ETNPPL: variants seen among roughly 807,000 people sequenced by gnomAD.
ETNPPL encodes the protein alanine--glyoxylate aminotransferase 2-like 1.
In ETNPPL, 30 loss-of-function variants were observed where a neutral mutation model predicts 55.5. The observed-to-expected ratio is 0.54, with a 90% confidence interval of 0.40 to 0.73. The LOEUF is 0.73. ETNPPL is among the 30% of genes least tolerant of loss of function. The pLI is 0.00. For missense variants in ETNPPL, 528 were observed against 607.9 expected (o/e 0.87, Z 1.38); for synonymous variants, 202 against 207.2 (o/e 0.98, Z 0.21).
chr4:108,743,511 A>C (rs7663958), intron 12 of ETNPPL, among the ~76,000 whole-genome samples: 18,456 of 151,988 alleles, frequency 0.12, 1,470 homozygotes, highest in East Asian at 0.46. Flanking sequence ...AATTCTCTCT[A>C]TATATATTTT....
At chr4:108,750,494 CCG>C (rs946093603) in intron 7 of ETNPPL, among the ~76,000 whole-genome samples, 4 of 67,384 alleles carry the variant, frequency 5.9e-5, no homozygotes, top group African/African-American at 9.9e-5. Context: ...CTTAATACCG[CCG>C]TGTGTGTGTG....
In ETNPPL at chr4:108,742,573, T is replaced by A; in HGVS notation, c.1411A>T (p.Thr471Ser). 6.2e-7 allele frequency: 1 copy of A among 1,614,168 alleles called. No individual in the cohort carries two copies. The highest frequency in any genetic ancestry group is 8.5e-7 in the Non-Finnish European group (1 of 1,180,010). Residue 471 changes from threonine to serine, a missense_variant, in exon 13 of 13, where the codon ACC (threonine) becomes TCC (serine). Physicochemically the swap from Thr to Ser is moderately conservative, Grantham distance 58. Transcript: ENST00000296486. ...EAHIELLRDS[T>S]TDSKENPSRK... is the part of the protein sequence containing the mutation. ...CTGGGATTTTCTTTGGAGTCAGTGG[T>A]GCTGTCCCTAAGCAGTTCTATGTGG...
chr4:108,746,691 C>A, intron 10 of ETNPPL, 71 bp downstream of exon 10: 1 of 1,527,530 alleles, frequency 6.5e-7, no homozygotes, highest in Non-Finnish European at 9.1e-7. Flanking sequence ...GGGAGGAAGT[C>A]AAGCAAGCTT....
intron 1 of ETNPPL, among the ~76,000 whole-genome samples, chr4:108,761,610 T>C (rs971764552): frequency 1.3e-5 from 2 of 152,230 alleles, no homozygotes; most frequent in African/African-American, 4.8e-5. Context: ...AGTCAGCCCA[T>C]GGCTACACTC....
rs910599097 is a variant in ETNPPL, at chr4:108,742,194, G to A, written c.*290C>T. On this transcript the variant is annotated 3_prime_UTR_variant, in exon 13 of 13. Transcript: ENST00000296486. ...TCTAATTTGACACATTAAAACATGA[G>A]AGGTAAATCTGCCAATTTATTTTGA... 4.2e-6 allele frequency: 1 copy of A among 239,186 alleles called. No homozygotes were observed. The highest frequency in any genetic ancestry group is 8.4e-6 in the Non-Finnish European group (1 of 119,692). 14.8% of individuals were successfully genotyped at this position (239,186 alleles called of 1,614,324 possible). A position where few individuals can be genotyped will look rare whatever the true frequency, so the allele number is the denominator to read the frequency against.
At chr4:108,754,827 A>T in intron 4 of ETNPPL, 117 bp from the exon 5 acceptor site, 1 of 681,602 alleles carries the variant, frequency 1.5e-6, no homozygotes, top group Admixed American at 2.8e-5. Flanking sequence ...GAGAATCTCA[A>T]CACTGGTGCC....
chr4:108,751,928 G>C (rs781107767), intron 6 of ETNPPL, among the ~76,000 whole-genome samples: 6 of 152,226 alleles, frequency 3.9e-5, no homozygotes, highest in Non-Finnish European at 5.9e-5. Context: ...TCTTTTAGCA[G>C]CAAAGAGTCC....
rs998889913 is a variant in ETNPPL at position 108,762,434 on chromosome 4, A to G, written c.56+409T>C. On this transcript the variant is annotated intron_variant, in intron 1 of 12. Coordinates refer to ENST00000296486, the MANE Select transcript of ETNPPL (RefSeq NM_031279.4). ...GGTTTGTTTGCGGAGCCATCATGAA[A>G]AAATATTTCTCAGTTCACAGTTTCC... The G allele has an allele frequency of 1.1e-4, 60 of 565,700 alleles. 1 individual carries two copies. The East Asian group carries it at 2.5e-3, about 24-fold the overall frequency. 35.0% of individuals were successfully genotyped at this position (565,700 alleles called of 1,614,324 possible). A position where few individuals can be genotyped will look rare whatever the true frequency, so the allele number is the denominator to read the frequency against.
chr4:108,746,247 A>C (rs539126800), intron 11 of ETNPPL, 152 bp downstream of exon 11: 8 of 592,914 alleles, frequency 1.3e-5, no homozygotes, highest in Non-Finnish European at 2.1e-5. Context: ...ATCTTTTTCT[A>C]GTCCTAAATG....
At position 108,760,303 on chromosome 4, in the gene ETNPPL, G is replaced by A; in HGVS notation, c.60C>T (p.Pro20=). 6.3e-7 allele frequency: 1 copy of A among 1,577,608 alleles called. No homozygotes were observed. Among genetic ancestry groups the A allele is most frequent in the East Asian group, 2.2e-5 (1 of 44,642 alleles). ...CCGATGCAAAGAAAACTTTGCATGA[G>A]GGCCTAGAAATAATCAAAGGAAACA... is the stretch of plus-strand genomic sequence containing the variant. ...TLGLRKKHIG[P]SCKVFFASDP... is the part of the protein sequence containing the mutation. The change falls in exon 2 of 13, where the codon CCC becomes CCT. Residue 20 remains proline, a synonymous_variant. Coordinates refer to ENST00000296486, the MANE Select transcript of ETNPPL (RefSeq NM_031279.4).
At chr4:108,743,907 A>G (rs2125669188) in intron 11 of ETNPPL, 51 bp from the exon 12 acceptor site, 1 of 1,290,854 alleles carries the variant, frequency 7.7e-7, no homozygotes, top group East Asian at 2.3e-5. Flanking sequence ...AAAAACCTTA[A>G]GAAAAAAACT....
rs1728614845 is a variant in ETNPPL, at chr4:108,747,183, ATATATATATATTATATATATATATAAT to A, written c.1083-359_1083-333del. On this transcript the variant is annotated intron_variant, in intron 9 of 12. Coordinates refer to ENST00000296486, the MANE Select transcript of ETNPPL (RefSeq NM_031279.4). Reference sequence around the variant, plus strand: ...TATATATTATATATATATATATAATATATATATATATTATATATATATATAATATATATATATATATTATATATATAT... The same window carrying A: ...TATATATTATATATATATATATAATAATATATATATATATTATATATATAT... 3.1e-4 allele frequency among the ~76,000 whole-genome samples: 3 copies of A among 9,810 alleles called. No homozygotes were observed. The South Asian group carries it at 0.015, about 50-fold the overall frequency. The allele number at this position is 9,810 out of a possible 152,430, so 6.4% of individuals were successfully genotyped here. A position where few individuals can be genotyped will look rare whatever the true frequency, so the allele number is the denominator to read the frequency against.
chr4:108,756,621 G>C, intron 3 of ETNPPL, 129 bp from the exon 4 acceptor site: 2 of 669,012 alleles, frequency 3.0e-6, no homozygotes, highest in Non-Finnish European at 5.3e-6. Context: ...CCGATTGCCT[G>C]AGCTCAGAAG....
intron 7 of ETNPPL, among the ~76,000 whole-genome samples, chr4:108,749,928 T>C (rs1728816076): frequency 6.6e-6 from 1 of 152,158 alleles, no homozygotes; most frequent in Non-Finnish European, 1.5e-5. Flanking sequence ...GCCCAGCTGG[T>C]ATTGAATTCC....
At chr4:108,762,276 G>A (rs1037562185) in intron 1 of ETNPPL, 4 of 445,006 alleles carry the variant, frequency 9.0e-6, no homozygotes, top group Non-Finnish European at 1.8e-5. Context: ...TTGGGTAAGA[G>A]GGATCTAAAT....
intron 7 of ETNPPL, among the ~76,000 whole-genome samples, chr4:108,750,496 G>A (rs1176678883): frequency 1.5e-4 from 1 of 6,780 alleles, no homozygotes; most frequent in African/African-American, 2.6e-4. Context: ...TAATACCGCC[G>A]TGTGTGTGTG....
At chr4:108,743,184 C>A (rs1404756778) in intron 12 of ETNPPL, among the ~76,000 whole-genome samples, 1 of 152,164 alleles carries the variant, frequency 6.6e-6, no homozygotes, top group Non-Finnish European at 1.5e-5. Flanking sequence ...ACAAATTATG[C>A]AACAAAGCCT....
In ETNPPL at chr4:108,747,729, C is replaced by CTAT. The variant is rs1265193776; in HGVS notation, c.1082+273_1082+275dup. 3 of 242,882 alleles carry CTAT rather than the reference C, an allele frequency of 1.2e-5. No individual in the cohort carries two copies. In the East Asian group the frequency reaches 3.0e-4, roughly 24 times the overall value. 15.0% of individuals were successfully genotyped at this position (242,882 alleles called of 1,614,324 possible). Reference sequence around the variant, plus strand: ...ATAAACTTACAAGATAAAATATAAACTATTATTATTATTGTTAGAGACGGG... The same window carrying CTAT: ...ATAAACTTACAAGATAAAATATAAACTATTATTATTATTATTGTTAGAGACGGG... On this transcript the variant is annotated intron_variant, in intron 9 of 12. Coordinates refer to ENST00000296486, the MANE Select transcript of ETNPPL (RefSeq NM_031279.4).
intron 3 of ETNPPL, among the ~76,000 whole-genome samples, chr4:108,758,006 C>CTTTTTT (rs11307616): frequency 6.0e-5 from 7 of 116,728 alleles, no homozygotes; most frequent in South Asian, 2.8e-4. Context: ...ATATTTCTTT[C>CTTTTTT]TTTTTTTTTT....
Sources: allele counts gnomAD v4.1 joint callset (sites outside exome capture counted in the v4.1 genomes callset), GRCh38; gene constraint gnomAD v4.1.1; transcripts MANE v1.5; gene names NCBI Gene and HGNC (gene_info 2026-07-23, HGNC 2026-07-21).